The following SDK1 variants were observed in gnomAD, a reference collection of about 807,000 sequenced individuals.
SDK1 encodes sidekick cell adhesion molecule 1.
In SDK1, 157 loss-of-function variants were observed where a neutral mutation model predicts 245.5. The observed-to-expected ratio is 0.64, with a 90% CI of 0.56 to 0.73. SDK1 has a LOEUF of 0.73. Among genes scored for constraint, SDK1 ranks in the 30% least tolerant of loss-of-function variants. SDK1 has a pLI of 0.00. For missense variants in SDK1, 3,583 were observed against 3,002.3 expected, an observed-to-expected ratio of 1.19 and a Z score of -4.52; for synonymous variants, 1,647 against 1,278.5, an observed-to-expected ratio of 1.29 and a Z score of -6.15.
chr7:4,101,968 T>C (rs1156678938), intron 22 of SDK1, among the ~76,000 whole-genome samples: 2 of 151,946 alleles, frequency 1.3e-5, no homozygotes, highest in Non-Finnish European at 1.5e-5. Context: ...ACAAAGCCCA[T>C]CACTCCACAG....
At chr7:3,826,477 T>G (rs1779778359) in intron 5 of SDK1, among the ~76,000 whole-genome samples, 1 of 152,230 alleles carries the variant, frequency 6.6e-6, no homozygotes, top group Admixed American at 6.5e-5. Context: ...GACACAAGTG[T>G]TCCTGCTGCC....
intron 35 of SDK1, among the ~76,000 whole-genome samples, chr7:4,190,196 G>A (rs1453238134): frequency 3.3e-5 from 5 of 152,176 alleles, no homozygotes; most frequent in East Asian, 3.9e-4. Context: ...CATCATCGAC[G>A]TTCCCAGGGC....
rs550355576 is a variant in SDK1, at chr7:3,442,096, A to G, written c.298+140212A>G. The stretch of plus-strand genomic sequence containing the variant: ...GATGGTGGGCATTTTGGGTGAGATT[A>G]TGATAGATTTAAGCCAGAGGTTCAG... On this transcript the variant is annotated intron_variant, in intron 1 of 44. Transcript: ENST00000404826. 5.1e-4 allele frequency among the ~76,000 whole-genome samples: 78 copies of G among 152,276 alleles called. 1 individual carries two copies. Among genetic ancestry groups the G allele is most frequent in the African/African-American group, 1.8e-3 (76 of 41,558 alleles).
At chr7:3,595,850 A>C (rs1055005630) in intron 1 of SDK1, among the ~76,000 whole-genome samples, 2 of 149,598 alleles carry the variant, frequency 1.3e-5, no homozygotes, top group African/African-American at 2.5e-5. Context: ...AAAAAAAAAA[A>C]AAAAAACAAC....
chr7:3,638,386 A>T (rs557455742), intron 2 of SDK1, among the ~76,000 whole-genome samples: 28 of 151,976 alleles, frequency 1.8e-4, no homozygotes, highest in Non-Finnish European at 3.5e-4. Context: ...AACCAACCCA[A>T]ATGTCCCACA....
At chr7:3,948,987 A>G (rs1780688473) in intron 5 of SDK1, among the ~76,000 whole-genome samples, 1 of 152,192 alleles carries the variant, frequency 6.6e-6, no homozygotes, top group African/African-American at 2.4e-5. Flanking sequence ...ACTTTCACAG[A>G]TGACAGGCAG....
intron 4 of SDK1, among the ~76,000 whole-genome samples, chr7:3,723,368 C>G (rs78608869): frequency 6.6e-6 from 1 of 152,068 alleles, no homozygotes; most frequent in Non-Finnish European, 1.5e-5. Flanking sequence ...TTGAAAAATA[C>G]GGTATTTGTT....
Position 4,082,407 on chromosome 7 carries a change from C to T in SDK1, c.3324+2823C>T, listed in dbSNP as rs1388539526. 3.3e-5 allele frequency among the ~76,000 whole-genome samples: 5 copies of T among 151,738 alleles called. No homozygotes were observed. The East Asian group carries it at 5.9e-4, about 18-fold the overall frequency. On this transcript the variant is annotated intron_variant, in intron 22 of 44. Coordinates refer to ENST00000404826, the MANE Select transcript of SDK1 (RefSeq NM_152744.4). ...AAAATTAGCCAGGCATGGTGGCGCA[C>T]GTCTGTAATCCCAGCTATTCAGGAA...
At chr7:3,819,878 A>C (rs1473135783) in intron 4 of SDK1, among the ~76,000 whole-genome samples, 3 of 152,208 alleles carry the variant, frequency 2.0e-5, no homozygotes, top group Admixed American at 6.5e-5. Context: ...GGATTATTAT[A>C]ATGCTAAAAT....
intron 1 of SDK1, among the ~76,000 whole-genome samples, chr7:3,590,497 G>C (rs1443051207): frequency 6.6e-6 from 1 of 152,030 alleles, no homozygotes; most frequent in Non-Finnish European, 1.5e-5. Flanking sequence ...ATTTCATTTA[G>C]CTTCCAAAAT....
chr7:4,102,319 G>C (rs56896338), intron 22 of SDK1, among the ~76,000 whole-genome samples: 20,944 of 152,096 alleles, frequency 0.14, 2,522 homozygotes, highest in African/African-American at 0.32. Flanking sequence ...GCACGGGGAG[G>C]AGCCGTCAGA....
intron 1 of SDK1, among the ~76,000 whole-genome samples, chr7:3,399,971 G>A (rs540620427): frequency 1.3e-5 from 2 of 152,026 alleles, no homozygotes; most frequent in African/African-American, 4.8e-5. Flanking sequence ...CTAGGGTAGA[G>A]GGCTTCTCCT....
chr7:4,233,162 G>A, intron 40 of SDK1, 93 bp from the exon 41 acceptor site: 2 of 1,253,844 alleles, frequency 1.6e-6, no homozygotes, highest in Non-Finnish European at 2.3e-6. Context: ...ATCCAGGGCT[G>A]CTGCAAGCCG....
intron 2 of SDK1, among the ~76,000 whole-genome samples, chr7:3,628,935 G>C (rs1265954041): frequency 6.6e-6 from 1 of 152,074 alleles, no homozygotes; most frequent in Non-Finnish European, 1.5e-5. Flanking sequence ...CTTCTGAGTT[G>C]AAGAGAGCTG....
chr7:3,971,609 T>A (rs371561932), intron 12 of SDK1, 41 bp downstream of exon 12: 18 of 1,397,080 alleles, frequency 1.3e-5, no homozygotes, highest in Non-Finnish European at 7.0e-6. Context: ...CTTGTTGATA[T>A]TCTGTGAGTT....
intron 4 of SDK1, among the ~76,000 whole-genome samples, chr7:3,735,614 C>A (rs1318251163): frequency 2.6e-5 from 4 of 152,120 alleles, no homozygotes; most frequent in Admixed American, 2.0e-4. Context: ...GTGAATGATG[C>A]CGTTATGAAC....
chr7:4,195,494 G>C (rs1379336695), intron 35 of SDK1, among the ~76,000 whole-genome samples: 1 of 152,112 alleles, frequency 6.6e-6, no homozygotes, highest in Non-Finnish European at 1.5e-5. Context: ...TCCCAAATGA[G>C]TCCCCTCCCG....
intron 4 of SDK1, among the ~76,000 whole-genome samples, chr7:3,681,941 C>G (rs1479037452): frequency 6.6e-6 from 1 of 152,030 alleles, no homozygotes; most frequent in African/African-American, 2.4e-5. Context: ...CTGTATGTAG[C>G]CCAGTATCAC....
chr7:3,612,408 A>T (rs915786482), intron 1 of SDK1, among the ~76,000 whole-genome samples: 1 of 152,194 alleles, frequency 6.6e-6, no homozygotes, highest in Non-Finnish European at 1.5e-5. Context: ...GATTGATATT[A>T]CTATTATGAA....
Sources: allele counts gnomAD v4.1 joint callset (sites outside exome capture counted in the v4.1 genomes callset), GRCh38; gene constraint gnomAD v4.1.1; transcripts MANE v1.5; gene names NCBI Gene and HGNC (gene_info 2026-07-23, HGNC 2026-07-21).